Variants in SLCO4C1 observed in about 807,000 individuals in gnomAD.
SLCO4C1 encodes the protein solute carrier organic anion transporter family member 4C1.
A neutral mutation model predicts 72.1 loss-of-function variants in SLCO4C1; 58 were observed. That is an observed-to-expected ratio of 0.80 (90% CI 0.65 to 1.00). SLCO4C1 has a LOEUF of 1.00. Ranked by LOEUF, SLCO4C1 falls within the 50% of genes least tolerant of loss-of-function variation. The pLI, the probability that SLCO4C1 is intolerant of heterozygous loss-of-function variation, is 0.00. For missense variants in SLCO4C1, 898 were observed against 857.9 expected (o/e 1.05, Z -0.58); for synonymous variants, 297 against 312.5 (o/e 0.95, Z 0.52).
chr5:102,242,059 G>C (rs1204077262), intron 10 of SLCO4C1, among the ~76,000 whole-genome samples: 2 of 152,284 alleles, frequency 1.3e-5, no homozygotes, highest in South Asian at 2.1e-4. Flanking sequence ...GAGCAATTGT[G>C]AGGCAATAAA....
Position 102,276,401 on chromosome 5 carries a change from G to A in SLCO4C1, c.620-5595C>T, listed in dbSNP as rs559348537. 9.2e-5 allele frequency among the ~76,000 whole-genome samples: 14 copies of A among 152,250 alleles called. No homozygotes were observed. The South Asian group carries it at 1.0e-3, about 11-fold the overall frequency. ...GTTAGCCCCAGCGGTGGTCTGCATC[G>A]AAGGTGGCAGACGAAAACAAGAGCA... On this transcript the variant is annotated intron_variant, in intron 2 of 12. Transcript: ENST00000310954.
At chr5:102,269,514 A>T (rs1749109675) in intron 3 of SLCO4C1, among the ~76,000 whole-genome samples, 1 of 151,904 alleles carries the variant, frequency 6.6e-6, no homozygotes, top group South Asian at 2.1e-4. Flanking sequence ...TTAATTCATC[A>T]GTTGCATGAT....
rs780227484 is a variant in SLCO4C1, at chr5:102,270,625, T to C, written c.801A>G (p.Ile267Met). Residue 267 changes from isoleucine (I) to methionine (M), a missense_variant and splice_region_variant, in exon 3 of 13, where the codon ATA (isoleucine) becomes ATG (methionine). Coordinates refer to ENST00000310954, the MANE Select transcript of SLCO4C1 (RefSeq NM_180991.5). ...SVPTHKSSLY[I>M]GTGYAMSILG... Reference sequence around the variant, plus strand: ...AGACAGTTTAGAGAGTAAACTTACCTATATAGAGAGAAGACTTGTGTGTGG... The same window carrying C: ...AGACAGTTTAGAGAGTAAACTTACCCATATAGAGAGAAGACTTGTGTGTGG... 55 of 1,606,002 alleles carry C rather than the reference T, an allele frequency of 3.4e-5. No homozygotes were observed. Among genetic ancestry groups the C allele is most frequent in the Non-Finnish European group, 4.5e-5 (53 of 1,176,732 alleles).
intron 1 of SLCO4C1, among the ~76,000 whole-genome samples, chr5:102,293,485 G>A (rs1749593020): frequency 6.6e-6 from 1 of 152,104 alleles, no homozygotes; most frequent in South Asian, 2.1e-4. Flanking sequence ...ACATCTCTCT[G>A]TTGTAAATGA....
chr5:102,292,123 C>T (rs543495540), intron 1 of SLCO4C1, among the ~76,000 whole-genome samples: 1 of 152,210 alleles, frequency 6.6e-6, no homozygotes, highest in African/African-American at 2.4e-5. Context: ...ACGCGCCTGG[C>T]CCAGTTTGCT....
chr5:102,288,216 A>G (rs1215530612), intron 2 of SLCO4C1, among the ~76,000 whole-genome samples: 1 of 152,202 alleles, frequency 6.6e-6, no homozygotes, highest in Admixed American at 6.5e-5. Context: ...GGGGATATAC[A>G]CTGCAACACT....
At chr5:102,237,646 A>G (rs939778728) in intron 12 of SLCO4C1, among the ~76,000 whole-genome samples, 2 of 152,140 alleles carry the variant, frequency 1.3e-5, no homozygotes, top group Admixed American at 6.5e-5. Flanking sequence ...ACACAATATG[A>G]TATCTATAAA....
chr5:102,273,809 A>T lies in SLCO4C1; in HGVS notation c.620-3003T>A, dbSNP rs570102092. On this transcript the variant is annotated intron_variant, in intron 2 of 12. Coordinates refer to ENST00000310954, the MANE Select transcript of SLCO4C1 (RefSeq NM_180991.5). Reference sequence around the variant, plus strand: ...TTATAATACAGTTTATAAAATAGCTAGATTTACCTATTCAATGAATTTTGT... The same window carrying T: ...TTATAATACAGTTTATAAAATAGCTTGATTTACCTATTCAATGAATTTTGT... Among the ~76,000 whole-genome samples, 14 of 152,280 alleles carry T rather than the reference A, an allele frequency of 9.2e-5. No homozygotes were observed. The South Asian group carries it at 2.9e-3, about 32-fold the overall frequency.
chr5:102,240,275 G>A (rs1748513839), intron 11 of SLCO4C1, among the ~76,000 whole-genome samples: 1 of 151,882 alleles, frequency 6.6e-6, no homozygotes, highest in South Asian at 2.1e-4. Flanking sequence ...CCTGTACCTG[G>A]AACTTTATAA....
rs1450757401 is a variant in SLCO4C1 at position 102,234,773 on chromosome 5, C to T, written c.*2085G>A. The T allele has an allele frequency of 6.8e-6, 1 of 147,956 alleles. No individual in the cohort carries two copies. Among genetic ancestry groups the T allele is most frequent in the Non-Finnish European group, 1.5e-5 (1 of 67,072 alleles). 9.2% of individuals were successfully genotyped at this position (147,956 alleles called of 1,614,324 possible). The stretch of plus-strand genomic sequence containing the variant: ...AGTCTTCAATCCAATTCCCTGCTTC[C>T]ACACAAAGGACAAAGAAAGCCTAAA... On this transcript the variant is annotated 3_prime_UTR_variant, in exon 13 of 13. Transcript: ENST00000310954.
chr5:102,286,833 C>T (rs1451661078), intron 2 of SLCO4C1, among the ~76,000 whole-genome samples: 3 of 152,118 alleles, frequency 2.0e-5, no homozygotes, highest in Non-Finnish European at 2.9e-5. Context: ...AATATATCTT[C>T]TTAACTTTTG....
intron 10 of SLCO4C1, among the ~76,000 whole-genome samples, chr5:102,243,596 T>C (rs1748586164): frequency 6.6e-6 from 1 of 152,142 alleles, no homozygotes; most frequent in Non-Finnish European, 1.5e-5. Context: ...CTTTCAAATA[T>C]GTGGAAAGCC....
intron 2 of SLCO4C1, among the ~76,000 whole-genome samples, chr5:102,287,456 T>C (rs1399496645): frequency 6.6e-6 from 1 of 152,024 alleles, no homozygotes; most frequent in Non-Finnish European, 1.5e-5. Flanking sequence ...TTAGTTTTAG[T>C]TGTTGTTAAC....
At chr5:102,265,404 A>C (rs1425914089) in intron 3 of SLCO4C1, among the ~76,000 whole-genome samples, 1 of 152,104 alleles carries the variant, frequency 6.6e-6, no homozygotes, top group Non-Finnish European at 1.5e-5. Flanking sequence ...GGAACAATGT[A>C]CTAAAGTGTT....
At chr5:102,262,904 C>T (rs74695831) in intron 4 of SLCO4C1, among the ~76,000 whole-genome samples, 1 of 152,050 alleles carries the variant, frequency 6.6e-6, no homozygotes, top group Non-Finnish European at 1.5e-5. Context: ...ATACCTATGA[C>T]CACATTTTTA....
chr5:102,237,428 C>T (rs1177334597), intron 12 of SLCO4C1, among the ~76,000 whole-genome samples: 1 of 142,948 alleles, frequency 7.0e-6, no homozygotes, highest in African/African-American at 2.5e-5. Flanking sequence ...CATAGGAAAC[C>T]CTGTCTCTAC....
chr5:102,262,224 G>T (rs1411188443), intron 4 of SLCO4C1, among the ~76,000 whole-genome samples, 191 bp from the exon 5 acceptor site: 1 of 152,036 alleles, frequency 6.6e-6, no homozygotes. Context: ...TAAGAATAAT[G>T]GTTTACAAAA....
chr5:102,294,491 A>T (rs1372024458), intron 1 of SLCO4C1, among the ~76,000 whole-genome samples: 1 of 152,216 alleles, frequency 6.6e-6, no homozygotes, highest in African/African-American at 2.4e-5. Flanking sequence ...TAAATATAAA[A>T]TGTTATATTT....
intron 2 of SLCO4C1, among the ~76,000 whole-genome samples, chr5:102,285,256 T>C (rs1026074915): frequency 1.0e-4 from 15 of 147,518 alleles, no homozygotes; most frequent in Non-Finnish European, 1.9e-4. Context: ...TACACACATA[T>C]ATACACACAC....
Sources: allele counts gnomAD v4.1 joint callset (sites outside exome capture counted in the v4.1 genomes callset), GRCh38; gene constraint gnomAD v4.1.1; transcripts MANE v1.5; gene names NCBI Gene and HGNC (gene_info 2026-07-23, HGNC 2026-07-21).